Variants in HYCC1 observed in about 807,000 individuals in gnomAD.
HYCC1 encodes the protein hyccin PI4KA lipid kinase complex subunit 1, also known as hyccin.
chr7:22,915,670 C>T, the HYCC1 span, among the ~76,000 whole-genome samples: 1 of 152,086 alleles, frequency 6.6e-6, no homozygotes, highest in Non-Finnish European at 1.5e-5. Context: ...GCAAGTCCAT[C>T]CCCTTCTTAA....
chr7:22,969,410 C>T, the HYCC1 span, among the ~76,000 whole-genome samples: 1 of 151,838 alleles, frequency 6.6e-6, no homozygotes, highest in Admixed American at 6.6e-5. Context: ...AAGTGATCCA[C>T]CCGCCGTGGC....
At chr7:22,947,353 G>A in the HYCC1 span, 1 of 838,710 alleles carries the variant, frequency 1.2e-6, no homozygotes, top group South Asian at 1.8e-5. Flanking sequence ...TGAATGTTAT[G>A]AATTAAGCCA....
the HYCC1 span, among the ~76,000 whole-genome samples, chr7:23,007,280 A>G: frequency 1.3e-5 from 2 of 152,134 alleles, no homozygotes; most frequent in Non-Finnish European, 2.9e-5. Flanking sequence ...GAAAAACATT[A>G]CGGTACTGAT....
At chr7:22,961,198 A>T in the HYCC1 span, 6 of 1,331,008 alleles carry the variant, frequency 4.5e-6, no homozygotes, top group Non-Finnish European at 6.5e-6. Flanking sequence ...GAGAAATCTT[A>T]AATTATAACA....
the HYCC1 span, among the ~76,000 whole-genome samples, chr7:22,898,223 AT>A: frequency 6.7e-6 from 1 of 148,814 alleles, no homozygotes. Context: ...TTATTTATTT[AT>A]TTTTTTTGAG....
chr7:22,962,770 C>T, the HYCC1 span, among the ~76,000 whole-genome samples: 2 of 141,328 alleles, frequency 1.4e-5, no homozygotes, highest in East Asian at 4.1e-4. Flanking sequence ...CCCACCCAAC[C>T]CCACCACCGC....
the HYCC1 span, chr7:22,985,855 T>C: frequency 1.3e-5 from 2 of 149,130 alleles, no homozygotes; most frequent in African/African-American, 2.4e-5. Context: ...ATTATATATA[T>C]TTAAAACACA....
At chr7:22,909,120 C>A in the HYCC1 span, among the ~76,000 whole-genome samples, 376 of 152,246 alleles carry the variant, frequency 2.5e-3, 1 homozygote, top group African/African-American at 8.5e-3. Flanking sequence ...TGTGTCCTTA[C>A]CAAATCTCAT....
At chr7:22,898,185 C>T in the HYCC1 span, among the ~76,000 whole-genome samples, 1 of 151,812 alleles carries the variant, frequency 6.6e-6, no homozygotes, top group Non-Finnish European at 1.5e-5. Flanking sequence ...AGCTGGCACA[C>T]ACCACCATGC....
the HYCC1 span, among the ~76,000 whole-genome samples, chr7:22,979,926 A>G: frequency 6.6e-6 from 1 of 152,212 alleles, no homozygotes; most frequent in Non-Finnish European, 1.5e-5. Flanking sequence ...AAATATCAAT[A>G]TCTGCATAGT....
the HYCC1 span, among the ~76,000 whole-genome samples, chr7:22,998,573 A>T: frequency 4.6e-5 from 7 of 152,318 alleles, no homozygotes; most frequent in African/African-American, 1.7e-4. Context: ...AGCATAAGTA[A>T]CATACAGCAA....
At chr7:22,935,123 G>C in the HYCC1 span, 1 of 152,288 alleles carries the variant, frequency 6.6e-6, no homozygotes. Context: ...GTCCTGTTTA[G>C]CTGAAAGTTC....
chr7:22,954,050 C>T, the HYCC1 span, among the ~76,000 whole-genome samples: 1 of 151,212 alleles, frequency 6.6e-6, no homozygotes, highest in East Asian at 1.9e-4. Context: ...AAATTATTAC[C>T]ATTTCTTTGT....
At chr7:22,901,498 A>C in the HYCC1 span, among the ~76,000 whole-genome samples, 6 of 152,270 alleles carry the variant, frequency 3.9e-5, no homozygotes, top group East Asian at 9.6e-4. Flanking sequence ...CAAGAAACTC[A>C]TTTCAAATAC....
At chr7:22,933,737 T>A in the HYCC1 span, among the ~76,000 whole-genome samples, 2 of 152,248 alleles carry the variant, frequency 1.3e-5, no homozygotes, top group African/African-American at 4.8e-5. Flanking sequence ...CTGATTCTCA[T>A]GAAATTCTCC....
the HYCC1 span, chr7:23,013,886 G>C: frequency 2.2e-6 from 1 of 458,642 alleles, no homozygotes; most frequent in South Asian, 1.6e-5. Context: ...GTTGCCGGAC[G>C]CCCTGGGGGC....
the HYCC1 span, among the ~76,000 whole-genome samples, chr7:22,994,258 A>C: frequency 2.0e-5 from 3 of 152,248 alleles, no homozygotes; most frequent in Admixed American, 6.5e-5. Context: ...ACAACAAAAT[A>C]TAACTTTTAA....
the HYCC1 span, among the ~76,000 whole-genome samples, chr7:22,896,398 A>T: frequency 2.0e-5 from 3 of 152,224 alleles, no homozygotes; most frequent in Non-Finnish European, 1.5e-5. Flanking sequence ...CAGAATGACC[A>T]CTACAGAGCT....
At chr7:22,943,653 T>TA in the HYCC1 span, 1 of 152,590 alleles carries the variant, frequency 6.6e-6, no homozygotes, top group Non-Finnish European at 1.5e-5. Context: ...AATGCCAAAT[T>TA]AGTTTTTAAT....
Sources: gnomAD v4.1 joint callset for allele counts (sites outside exome capture counted in the v4.1 genomes callset) on GRCh38, gnomAD v4.1.1 for gene constraint, MANE v1.5 for transcripts, NCBI Gene and HGNC (gene_info 2026-07-23, HGNC 2026-07-21) for gene names.